The following RAD51B variants were observed in gnomAD, a reference collection of about 807,000 sequenced individuals.
RAD51B encodes RAD51 paralog B.
Under a neutral mutation model 42.2 loss-of-function variants are expected in RAD51B, and 38 were observed. That is an observed-to-expected ratio of 0.90 (90% CI 0.70 to 1.18). The LOEUF (loss-of-function observed/expected upper bound fraction) is 1.18. Among genes scored for constraint, RAD51B ranks in the 50% most tolerant of loss-of-function variants. RAD51B has a pLI of 0.00. For missense variants in RAD51B, 373 were observed against 400.7 expected, an observed-to-expected ratio of 0.93 and a Z score of 0.59; for synonymous variants, 154 against 145.2, an observed-to-expected ratio of 1.06 and a Z score of -0.43.
chr14:67,854,633 CA>C (rs1174939557), intron 4 of RAD51B, among the ~76,000 whole-genome samples: 1,565 of 121,704 alleles, frequency 0.013, 12 homozygotes, highest in African/African-American at 0.035. Flanking sequence ...GGCTCCGTCT[CA>C]AAAAAAAAAA....
intron 7 of RAD51B, among the ~76,000 whole-genome samples, chr14:68,098,678 C>G (rs1458444433): frequency 1.3e-5 from 2 of 152,166 alleles, no homozygotes; most frequent in East Asian, 3.8e-4. Flanking sequence ...CAGATTATCT[C>G]CCACCAGGTC....
chr14:68,263,150 GGGCTGAAAGGA>G (rs1421592474), intron 7 of RAD51B, among the ~76,000 whole-genome samples: 2 of 152,198 alleles, frequency 1.3e-5, no homozygotes, highest in Non-Finnish European at 2.9e-5. Flanking sequence ...TGCTCTGTGA[GGGCTGAAAGGA>G]ACAGGATACC....
chr14:67,887,945 T>C lies in RAD51B; in HGVS notation c.756+741T>C, dbSNP rs1438420168. On this transcript the variant is annotated intron_variant, in intron 7 of 10. Transcript: ENST00000471583. ...TCCACAGCCTCATCAACATTCAGGCTTCTCAATTTTAGTCATGCTTCATCT... is the reference window on the plus strand; with the variant it reads ...TCCACAGCCTCATCAACATTCAGGCCTCTCAATTTTAGTCATGCTTCATCT... 2.6e-5 allele frequency among the ~76,000 whole-genome samples: 4 copies of C among 152,364 alleles called. No homozygotes were observed. The East Asian group carries it at 7.7e-4, about 29-fold the overall frequency.
intron 7 of RAD51B, among the ~76,000 whole-genome samples, chr14:68,280,262 C>A (rs542648218): frequency 2.0e-5 from 3 of 152,176 alleles, no homozygotes; most frequent in Non-Finnish European, 4.4e-5. Flanking sequence ...ACAGTTTTTT[C>A]TTTATGAATG....
chr14:67,834,429 C>T (rs979082379), intron 3 of RAD51B, among the ~76,000 whole-genome samples: 4 of 152,144 alleles, frequency 2.6e-5, no homozygotes, highest in African/African-American at 9.7e-5. Context: ...ACCACACCTT[C>T]CTTCACACTG....
At chr14:68,289,892 A>C (rs536914756) in intron 7 of RAD51B, among the ~76,000 whole-genome samples, 14 of 152,350 alleles carry the variant, frequency 9.2e-5, no homozygotes, top group Non-Finnish European at 1.9e-4. Context: ...AAGATTAGCA[A>C]ATACTGAGTG....
chr14:68,333,191 C>T (rs1328964326), intron 8 of RAD51B, among the ~76,000 whole-genome samples: 1 of 152,160 alleles, frequency 6.6e-6, no homozygotes, highest in African/African-American at 2.4e-5. Flanking sequence ...AACCTAGGAC[C>T]TTCTAGCCTT....
chr14:68,003,563 G>A (rs1238348394), intron 7 of RAD51B, among the ~76,000 whole-genome samples: 9 of 152,196 alleles, frequency 5.9e-5, no homozygotes, highest in Admixed American at 5.9e-4. Flanking sequence ...ACATTGAATA[G>A]GAAAGGTGAG....
rs763685024 is a variant in RAD51B, at chr14:68,198,722, A to G, written c.757-93162A>G. On this transcript the variant is annotated intron_variant, in intron 7 of 10. Coordinates refer to ENST00000471583, the MANE Select transcript of RAD51B (RefSeq NM_133510.4). ...TCAATAATAGATACCTTTGATTTTTATTATTATTTCTATATTATTATGCAG... is the reference window on the plus strand; with the variant it reads ...TCAATAATAGATACCTTTGATTTTTGTTATTATTTCTATATTATTATGCAG... Among the ~76,000 whole-genome samples, 8 of 152,272 alleles carry G rather than the reference A, an allele frequency of 5.3e-5. No homozygotes were observed. In the South Asian group the frequency reaches 1.5e-3, roughly 28 times the overall value.
At chr14:67,866,400 C>T (rs888511131) in intron 5 of RAD51B, among the ~76,000 whole-genome samples, 6 of 152,128 alleles carry the variant, frequency 3.9e-5, no homozygotes, top group South Asian at 2.1e-4. Flanking sequence ...GACTAGCCTT[C>T]GACTAACAAG....
intron 7 of RAD51B, among the ~76,000 whole-genome samples, chr14:68,212,942 T>C (rs2079740361): frequency 6.6e-6 from 1 of 152,170 alleles, no homozygotes; most frequent in Non-Finnish European, 1.5e-5. Flanking sequence ...CTTGTTGTCT[T>C]GTTGAGGTTA....
chr14:68,562,753 G>A (rs546861357), intron 10 of RAD51B: 55 of 985,342 alleles, frequency 5.6e-5, no homozygotes, highest in Non-Finnish European at 6.4e-5. Flanking sequence ...CTCATCACCA[G>A]GGCATATCTA....
In RAD51B at chr14:68,520,514, G is replaced by C. The variant is rs78337807; in HGVS notation, c.1036+52264G>C. ...CATTTCCTATACATTTGTTCTAACT[G>C]TTCAGGGCTTTAATTAAACATATAA... On this transcript the variant is annotated intron_variant, in intron 10 of 10. Transcript: ENST00000487270. Among the ~76,000 whole-genome samples the C allele has an allele frequency of 1.0e-3, 155 of 152,278 alleles. No individual in the cohort carries two copies. The East Asian group carries it at 0.025, about 24-fold the overall frequency.
At chr14:68,175,990 C>G (rs1376745920) in intron 7 of RAD51B, among the ~76,000 whole-genome samples, 1 of 152,180 alleles carries the variant, frequency 6.6e-6, no homozygotes, top group East Asian at 1.9e-4. Flanking sequence ...TCTCTTCCAT[C>G]ACAGTAAGTG....
chr14:68,148,896 G>A (rs570806498), intron 7 of RAD51B, among the ~76,000 whole-genome samples: 1 of 152,292 alleles, frequency 6.6e-6, no homozygotes, highest in Admixed American at 6.5e-5. Flanking sequence ...TGTAGGTTAG[G>A]TATATTACAT....
chr14:68,168,466 T>C (rs2078799971), intron 7 of RAD51B, among the ~76,000 whole-genome samples: 1 of 152,188 alleles, frequency 6.6e-6, no homozygotes, highest in Non-Finnish European at 1.5e-5. Context: ...CTTCAGACTG[T>C]TTGCCTGAAC....
At chr14:68,540,965 T>A in intron 10 of RAD51B, 1 of 985,464 alleles carries the variant, frequency 1.0e-6, no homozygotes, top group African/African-American at 1.7e-5. Flanking sequence ...CTATAATACA[T>A]CTTTGACCAT....
chr14:68,209,763 T>C (rs898178125), intron 7 of RAD51B, among the ~76,000 whole-genome samples: 2 of 152,164 alleles, frequency 1.3e-5, no homozygotes, highest in Admixed American at 1.3e-4. Context: ...AAGAAAGGAA[T>C]TGCACTGAGA....
At chr14:67,973,475 A>G (rs2074935181) in intron 7 of RAD51B, among the ~76,000 whole-genome samples, 1 of 152,146 alleles carries the variant, frequency 6.6e-6, no homozygotes, top group Admixed American at 6.6e-5. Flanking sequence ...ATTGTTCATG[A>G]TAAACATTTG....
Sources: allele counts gnomAD v4.1 joint callset (sites outside exome capture counted in the v4.1 genomes callset), GRCh38; gene constraint gnomAD v4.1.1; transcripts MANE v1.5; gene names NCBI Gene and HGNC (gene_info 2026-07-23, HGNC 2026-07-21).